Variants in CNTFR observed in about 807,000 individuals in gnomAD.
CNTFR encodes ciliary neurotrophic factor receptor subunit alpha.
In CNTFR, 12 loss-of-function variants were observed where a neutral mutation model predicts 40.4. The observed-to-expected ratio is 0.30, with a 90% CI of 0.19 to 0.48. CNTFR has a LOEUF of 0.48. CNTFR is among the 20% of genes least tolerant of loss of function. CNTFR has a pLI of 0.99. For synonymous variants in CNTFR, 202 were observed against 209.6 expected (o/e 0.96, Z 0.31); for missense variants, 414 against 506.8 (o/e 0.82, Z 1.76).
At chr9:34,580,068 C>A (rs1340369574) in intron 2 of CNTFR, 1 of 152,250 alleles carries the variant, frequency 6.6e-6, no homozygotes, top group African/African-American at 2.4e-5. Flanking sequence ...GGAGCCCATT[C>A]TTTCCCCGAC....
chr9:34,559,177 T>C (rs1825968682), intron 4 of CNTFR, among the ~76,000 whole-genome samples: 1 of 152,030 alleles, frequency 6.6e-6, no homozygotes, highest in South Asian at 2.1e-4. Context: ...GGAGTGCATG[T>C]CTATGCTTGT....
chr9:34,580,115 C>T (rs78961932), intron 2 of CNTFR: 2,924 of 152,366 alleles, frequency 0.019, 71 homozygotes, highest in East Asian at 0.082. Flanking sequence ...GTCCCGGCTC[C>T]CTAAGGTGTT....
chr9:34,562,896 CT>C (rs1227903783), intron 4 of CNTFR, among the ~76,000 whole-genome samples: 2 of 152,158 alleles, frequency 1.3e-5, no homozygotes, highest in Non-Finnish European at 2.9e-5. Context: ...TTCCCTCTAC[CT>C]TCTTGCTGGC....
intron 3 of CNTFR, among the ~76,000 whole-genome samples, chr9:34,565,688 T>G (rs1191824415): frequency 1.3e-5 from 2 of 151,802 alleles, no homozygotes; most frequent in African/African-American, 4.8e-5. Context: ...AACCCAGGCG[T>G]GATGGACAGA....
At chr9:34,584,080 G>C (rs1827443172) in intron 1 of CNTFR, among the ~76,000 whole-genome samples, 1 of 152,146 alleles carries the variant, frequency 6.6e-6, no homozygotes, top group African/African-American at 2.4e-5. Context: ...GCTCAGAAAA[G>C]GGTAGTTGGG....
chr9:34,564,844 G>T lies in CNTFR; in HGVS notation c.86-12C>A. 1 of 1,609,792 alleles carries T rather than the reference G, an allele frequency of 6.2e-7. No homozygotes were observed. Among genetic ancestry groups the T allele is most frequent in the Non-Finnish European group, 8.5e-7 (1 of 1,178,148 alleles). On this transcript the variant is annotated splice_polypyrimidine_tract_variant and intron_variant, in intron 3 of 9. Transcript: ENST00000378980. ...CACATGGGGTGCCTCTGTGGGGGGT[G>T]GGGGCACAGGGCAAAAGTCACAGGT...
At chr9:34,575,810 T>G (rs1826931425) in intron 2 of CNTFR, among the ~76,000 whole-genome samples, 1 of 152,036 alleles carries the variant, frequency 6.6e-6, no homozygotes, top group Admixed American at 6.5e-5. Flanking sequence ...AAAAGAAGCT[T>G]CAAATGTCTT....
At chr9:34,582,230 G>C (rs1292274825) in intron 1 of CNTFR, 1 of 146,498 alleles carries the variant, frequency 6.8e-6, no homozygotes, top group Non-Finnish European at 1.5e-5. Flanking sequence ...AGCCAAGATT[G>C]AGCCACTGCA....
intron 2 of CNTFR, among the ~76,000 whole-genome samples, chr9:34,578,484 G>A (rs756203981): frequency 1.1e-4 from 17 of 152,182 alleles, no homozygotes; most frequent in Non-Finnish European, 2.1e-4. Flanking sequence ...AGAAGTTGCC[G>A]CAGGCCAACT....
rs78984189 is a variant in CNTFR at position 34,578,676 on chromosome 9, C to T, written c.-1+2419G>A. On this transcript the variant is annotated intron_variant, in intron 2 of 9. Coordinates refer to ENST00000378980, the MANE Select transcript of CNTFR (RefSeq NM_147164.3). ...AGGGCACGGGAGGCTCCCAGCCTAC[C>T]CCCAGGTCCTATTCCAGGTCCTATT... is the stretch of plus-strand genomic sequence containing the variant. Among the ~76,000 whole-genome samples the T allele has an allele frequency of 3.3e-4, 50 of 152,334 alleles. No homozygotes were observed. The East Asian group carries it at 7.1e-3, about 22-fold the overall frequency.
At chr9:34,570,080 C>T (rs1470945988) in intron 2 of CNTFR, 3 of 152,262 alleles carry the variant, frequency 2.0e-5, no homozygotes, top group African/African-American at 7.2e-5. Flanking sequence ...ATCAACCACA[C>T]AGAAGCAAAG....
chr9:34,556,146 G>T, intron 7 of CNTFR, 109 bp downstream of exon 7: 1 of 1,233,098 alleles, frequency 8.1e-7, no homozygotes, highest in Non-Finnish European at 1.2e-6. Context: ...CAGAGAGCCT[G>T]ATGCATCAGG....
At position 34,557,554 on chromosome 9, in the gene CNTFR, T is replaced by C. The variant is rs1281534884; in HGVS notation, c.576A>G (p.Thr192=). 1.9e-6 allele frequency: 3 copies of C among 1,614,204 alleles called. No individual in the cohort carries two copies. The Admixed American group carries it at 5.0e-5, about 27-fold the overall frequency. Residue 192 remains threonine, a synonymous_variant, in exon 6 of 10, where the codon ACA becomes ACG. Coordinates refer to ENST00000378980, the MANE Select transcript of CNTFR (RefSeq NM_147164.3). This position sits in a 1 kb window ranked among gnomAD's most constrained non-coding sequence, Gnocchi z 4.2. The stretch of plus-strand genomic sequence containing the variant: ...TGGTGAACTCGTCAAAGGTGATAGC[T>C]GTGGCATTGTGGCCCAGGGCATTGC... ...SVSNALGHNA[T]AITFDEFTIV...
At chr9:34,587,194 T>C (rs1827581258) in intron 1 of CNTFR, among the ~76,000 whole-genome samples, 2 of 152,138 alleles carry the variant, frequency 1.3e-5, no homozygotes, top group African/African-American at 2.4e-5. Context: ...AGCATTCCTG[T>C]ACAAGTCAGC....
chr9:34,579,329 G>T (rs1426690852), intron 2 of CNTFR, among the ~76,000 whole-genome samples: 2 of 152,016 alleles, frequency 1.3e-5, no homozygotes, highest in East Asian at 1.9e-4. Flanking sequence ...CGCCTAATGC[G>T]CTTTATCAGG....
intron 3 of CNTFR, among the ~76,000 whole-genome samples, chr9:34,565,899 C>T (rs1478230525): frequency 3.8e-5 from 5 of 133,132 alleles, no homozygotes; most frequent in South Asian, 2.7e-4. Context: ...GCCAGATCTG[C>T]GGAGTGAGGG....
At chr9:34,565,574 G>A (rs1184806687) in intron 3 of CNTFR, among the ~76,000 whole-genome samples, 2 of 152,132 alleles carry the variant, frequency 1.3e-5, no homozygotes, top group African/African-American at 2.4e-5. Flanking sequence ...GGGGGCTTGG[G>A]GGGTGCGGTG....
intron 2 of CNTFR, among the ~76,000 whole-genome samples, chr9:34,575,556 C>T (rs1444317259): frequency 6.6e-6 from 1 of 152,034 alleles, no homozygotes; most frequent in African/African-American, 2.4e-5. Flanking sequence ...AGGACAAAGA[C>T]CTATTTGCCT....
At position 34,552,660 on chromosome 9, in the gene CNTFR, G is replaced by C; in HGVS notation, c.949+14C>G. On this transcript the variant is annotated intron_variant, in intron 8 of 9. Transcript: ENST00000378980. This position sits in a 1 kb window ranked among gnomAD's most constrained non-coding sequence, Gnocchi z 5.1. ...GACAGCAAAGCCAGGAGGTAGGGGCGGGAGCAAGCTCACCCGCAGCCTGGG... is the reference window on the plus strand; with the variant it reads ...GACAGCAAAGCCAGGAGGTAGGGGCCGGAGCAAGCTCACCCGCAGCCTGGG... 1 of 1,611,082 alleles carries C rather than the reference G, an allele frequency of 6.2e-7. No homozygotes were observed. The highest frequency in any genetic ancestry group is 8.5e-7 in the Non-Finnish European group (1 of 1,179,468).
Sources: gnomAD v4.1 joint callset for allele counts (sites outside exome capture counted in the v4.1 genomes callset) on GRCh38, gnomAD v4.1.1 for gene constraint, Gnocchi (gnomAD v3.1) non-coding constraint, MANE v1.5 for transcripts, NCBI Gene and HGNC (gene_info 2026-07-23, HGNC 2026-07-21) for gene names.